Variants in DNAAF9 observed in about 807,000 individuals in gnomAD.
The protein encoded by DNAAF9 is dynein axonemal assembly factor 9.
In DNAAF9, 90 loss-of-function variants were observed where a neutral mutation model predicts 167.0. The observed-to-expected ratio is 0.54, with a 90% CI of 0.45 to 0.64. The LOEUF is 0.64. Ranked by LOEUF, DNAAF9 falls within the 30% of genes least tolerant of loss-of-function variation. The pLI is 0.00. For missense variants in DNAAF9, 1,315 were observed against 1,442.2 expected (o/e 0.91, Z 1.43); for synonymous variants, 491 against 508.8 (o/e 0.96, Z 0.47).
intron 20 of DNAAF9, among the ~76,000 whole-genome samples, chr20:3,313,617 T>C (rs1031286325): frequency 6.6e-6 from 1 of 152,182 alleles, no homozygotes; most frequent in Non-Finnish European, 1.5e-5. Flanking sequence ...AGTAAATCCC[T>C]GTAAAATCCA....
At chr20:3,267,915 ATGT>A (rs1178040393) in intron 30 of DNAAF9, among the ~76,000 whole-genome samples, 6 of 151,982 alleles carry the variant, frequency 3.9e-5, no homozygotes, top group Non-Finnish European at 8.8e-5. Context: ...TCAATCAGTG[ATGT>A]TGTTTAGAAC....
chr20:3,305,747 A>G (rs1458594733), intron 20 of DNAAF9, among the ~76,000 whole-genome samples: 1 of 152,172 alleles, frequency 6.6e-6, no homozygotes, highest in Non-Finnish European at 1.5e-5. Context: ...TTTAGGTACA[A>G]GAAGAAGAAC....
chr20:3,333,169 T>C (rs1172057161), intron 10 of DNAAF9, among the ~76,000 whole-genome samples: 3 of 152,144 alleles, frequency 2.0e-5, no homozygotes, highest in Admixed American at 6.5e-5. Flanking sequence ...CCACAACCAT[T>C]TGTATTTCAT....
At chr20:3,259,792 C>T in intron 32 of DNAAF9, 130 bp downstream of exon 32, 2 of 684,162 alleles carry the variant, frequency 2.9e-6, no homozygotes, top group Non-Finnish European at 2.6e-6. Context: ...CCTCAAATCC[C>T]TCTGTCTACT....
intron 3 of DNAAF9, among the ~76,000 whole-genome samples, chr20:3,377,831 T>C (rs1194678575): frequency 2.0e-5 from 3 of 152,188 alleles, no homozygotes; most frequent in African/African-American, 7.2e-5. Context: ...AATGAGGCAC[T>C]GCCAACCTCC....
intron 14 of DNAAF9, among the ~76,000 whole-genome samples, chr20:3,324,441 G>C (rs2069674113): frequency 6.6e-6 from 1 of 152,004 alleles, no homozygotes; most frequent in Non-Finnish European, 1.5e-5. Context: ...AAAATCACCA[G>C]ATTCTCAGAT....
intron 27 of DNAAF9, among the ~76,000 whole-genome samples, chr20:3,286,946 A>C (rs2068862315): frequency 6.6e-6 from 1 of 152,154 alleles, no homozygotes; most frequent in African/African-American, 2.4e-5. Flanking sequence ...CTGAGCCTGG[A>C]GTGGTGATGG....
intron 1 of DNAAF9, among the ~76,000 whole-genome samples, chr20:3,401,764 G>T (rs746682217): frequency 2.9e-4 from 44 of 152,276 alleles, no homozygotes; most frequent in Admixed American, 9.2e-4. Flanking sequence ...CTTTCCAGGG[G>T]TGATAGAGAA....
intron 3 of DNAAF9, among the ~76,000 whole-genome samples, chr20:3,381,054 A>G (rs748600356): frequency 1.3e-5 from 2 of 152,202 alleles, no homozygotes; most frequent in Admixed American, 6.5e-5. Flanking sequence ...ACAGGACAAC[A>G]CCATGTAATC....
At position 3,329,257 on chromosome 20, in the gene DNAAF9, C is replaced by T. The variant is rs547577000; in HGVS notation, c.1100+1389G>A. 9.2e-5 allele frequency among the ~76,000 whole-genome samples: 14 copies of T among 152,022 alleles called. No individual in the cohort carries two copies. In the South Asian group the frequency reaches 2.9e-3, roughly 32 times the overall value. On this transcript the variant is annotated intron_variant, in intron 12 of 36. Coordinates refer to ENST00000252032, the MANE Select transcript of DNAAF9 (RefSeq NM_001009984.3). ...TCTCAGCTCACTGCAGCCTTGACCT[C>T]CCCAGGCTCAGATGATCCTCCTGCC...
chr20:3,375,050 C>T lies in DNAAF9; in HGVS notation c.485G>A (p.Gly162Asp), dbSNP rs1334164117. ...CTCACCTTGGGAGCTGTAAGGAATG[C>T]CAATTCTACTACAGTCTCGAACCAT... The part of the protein sequence containing the change: ...VDMVRDCSRI[G>D]IPYSSQGHLQ... The change falls in exon 5 of 37, where the codon GGC becomes GAC. Residue 162 changes from glycine (G) to aspartate (D), a missense_variant. Physicochemically the swap from Gly to Asp is moderately conservative, Grantham distance 94. Transcript: ENST00000252032. The T allele has an allele frequency of 1.2e-6, 2 of 1,604,664 alleles. No homozygotes were observed. Among genetic ancestry groups the T allele is most frequent in the Admixed American group, 1.7e-5 (1 of 59,974 alleles).
chr20:3,250,687 A>T lies in DNAAF9; in HGVS notation c.*1885T>A, dbSNP rs1261908932. On this transcript the variant is annotated 3_prime_UTR_variant, in exon 37 of 37. Coordinates refer to ENST00000252032, the MANE Select transcript of DNAAF9 (RefSeq NM_001009984.3). ...GGGCGGGCTCCGACCCCTCTTTAAAAACTCTTCTGCAGCAGCCAGACTGCC... is the reference window on the plus strand; with the variant it reads ...GGGCGGGCTCCGACCCCTCTTTAAATACTCTTCTGCAGCAGCCAGACTGCC... 6.6e-6 allele frequency: 1 copy of T among 152,038 alleles called. No homozygotes were observed. Among genetic ancestry groups the T allele is most frequent in the Non-Finnish European group, 1.5e-5 (1 of 68,018 alleles). The allele number at this position is 152,038 out of a possible 1,614,324, so 9.4% of individuals were successfully genotyped here.
At position 3,318,384 on chromosome 20, in the gene DNAAF9, T is replaced by G. The variant is rs151180232; in HGVS notation, c.1373A>C (p.Tyr458Ser). The change falls in exon 17 of 37, where the codon TAT becomes TCT. Residue 458 changes from tyrosine to serine, a missense_variant. By Grantham distance (144) the Tyr-to-Ser change is moderately radical (BLOSUM62 -2). This residue lies in a region of DNAAF9 where 981 missense variants were observed against 1,012.5 expected (regional missense o/e 0.97). Coordinates refer to ENST00000252032, the MANE Select transcript of DNAAF9 (RefSeq NM_001009984.3). The stretch of plus-strand genomic sequence containing the variant: ...GCCTCCCAGTAAGTCAGGAATGTCA[T>G]AGACGGCCATACAAGCCTGCATTGA... ...SFVKTACMAV[Y>S]DIPDLLGGNG... is the part of the protein sequence containing the mutation. The G allele has an allele frequency of 3.8e-6, 6 of 1,585,804 alleles. No homozygotes were observed. In the African/African-American group the frequency reaches 4.0e-5, roughly 11 times the overall value.
In DNAAF9 at chr20:3,370,718, A is replaced by G. The variant is rs374057400; in HGVS notation, c.612+3330T>C. On this transcript the variant is annotated intron_variant, in intron 6 of 36. Coordinates refer to ENST00000252032, the MANE Select transcript of DNAAF9 (RefSeq NM_001009984.3). The stretch of plus-strand genomic sequence containing the variant: ...CCACCGCGCCCAGCCGTGCCCGACT[A>G]ATTTTTTTAAAATTTTTTTGTTGCC... 8.6e-5 allele frequency among the ~76,000 whole-genome samples: 13 copies of G among 152,012 alleles called. No homozygotes were observed. The East Asian group carries it at 2.3e-3, about 27-fold the overall frequency.
At chr20:3,314,316 T>C (rs899639958) in intron 20 of DNAAF9, among the ~76,000 whole-genome samples, 12 of 152,036 alleles carry the variant, frequency 7.9e-5, no homozygotes, top group Non-Finnish European at 1.6e-4. Context: ...GAGGGTGGGC[T>C]GGGATAGGCA....
intron 31 of DNAAF9, among the ~76,000 whole-genome samples, chr20:3,260,295 C>T (rs955693448): frequency 3.9e-5 from 6 of 152,046 alleles, no homozygotes; most frequent in Non-Finnish European, 5.9e-5. Flanking sequence ...GGCGAGATTG[C>T]GCCACTGCAG....
chr20:3,264,810 C>T (rs1042359720), intron 30 of DNAAF9, among the ~76,000 whole-genome samples: 10 of 152,130 alleles, frequency 6.6e-5, no homozygotes, highest in East Asian at 5.8e-4. Flanking sequence ...CCTCATGATC[C>T]GCCTGCCTCG....
rs568357941 is a variant in DNAAF9, at chr20:3,378,243, A to G, written c.284-1941T>C. Among the ~76,000 whole-genome samples the G allele has an allele frequency of 8.6e-4, 131 of 152,318 alleles. 1 individual carries two copies. The highest frequency in any genetic ancestry group is 3.0e-3 in the African/African-American group (124 of 41,574). On this transcript the variant is annotated intron_variant, in intron 3 of 36. Transcript: ENST00000252032. ...GCCAGTGACTAGTTGTCCCTCAGACATCAGTGTCTAAAGCTCTCAGCTGTT... is the reference window on the plus strand; with the variant it reads ...GCCAGTGACTAGTTGTCCCTCAGACGTCAGTGTCTAAAGCTCTCAGCTGTT...
rs1397322051 is a variant in DNAAF9, at chr20:3,296,966, T to G, written c.1930-17A>C. 1 of 1,493,556 alleles carries G rather than the reference T, an allele frequency of 6.7e-7. No individual in the cohort carries two copies. Among genetic ancestry groups the G allele is most frequent in the Admixed American group, 1.7e-5 (1 of 59,162 alleles). 92.5% of individuals were successfully genotyped at this position (1,493,556 alleles called of 1,614,324 possible). A position where few individuals can be genotyped will look rare whatever the true frequency, so the allele number is the denominator to read the frequency against. On this transcript the variant is annotated splice_polypyrimidine_tract_variant and intron_variant, in intron 22 of 36. Coordinates refer to ENST00000252032, the MANE Select transcript of DNAAF9 (RefSeq NM_001009984.3). Reference sequence around the variant, plus strand: ...GGAGAAGACCTAAACAAAACAGAATTTGAGCAAAGAACACTTTAAACCCAA... The same window carrying G: ...GGAGAAGACCTAAACAAAACAGAATGTGAGCAAAGAACACTTTAAACCCAA...
Sources: gnomAD v4.1 joint callset for allele counts (sites outside exome capture counted in the v4.1 genomes callset) on GRCh38, gnomAD v4.1.1 for gene constraint, gnomAD v4.1.1 regional missense constraint, MANE v1.5 for transcripts, NCBI Gene and HGNC (gene_info 2026-07-23, HGNC 2026-07-21) for gene names.